Variants in PAPPA observed in about 807,000 individuals in gnomAD.
PAPPA encodes pappalysin-1.
A neutral mutation model predicts 164.0 loss-of-function variants in PAPPA; 60 were observed. The observed-to-expected ratio is 0.37, with a 90% CI of 0.30 to 0.45. PAPPA has a LOEUF of 0.45. Among genes scored for constraint, PAPPA ranks in the 20% least tolerant of loss-of-function variants. PAPPA has a pLI of 1.00. For missense variants in PAPPA, 1,782 were observed against 2,087.3 expected, an observed-to-expected ratio of 0.85 and a Z score of 2.85; for synonymous variants, 875 against 814.1, an observed-to-expected ratio of 1.07 and a Z score of -1.27.
intron 17 of PAPPA, among the ~76,000 whole-genome samples, chr9:116,359,387 G>A (rs374090810): frequency 6.6e-6 from 1 of 152,200 alleles, no homozygotes; most frequent in African/African-American, 2.4e-5. Flanking sequence ...CAGATGCACA[G>A]GCACAGAGAG....
chr9:116,264,329 T>C (rs1383494872), intron 7 of PAPPA, among the ~76,000 whole-genome samples: 1 of 152,256 alleles, frequency 6.6e-6, no homozygotes, highest in Non-Finnish European at 1.5e-5. Flanking sequence ...TCTCTCAAGA[T>C]ATTGGTATGT....
chr9:116,156,887 C>T (rs1379676258), intron 1 of PAPPA, among the ~76,000 whole-genome samples: 1 of 152,222 alleles, frequency 6.6e-6, no homozygotes, highest in Non-Finnish European at 1.5e-5. Context: ...GAGCCAGGAC[C>T]GAGGTGGGCA....
At chr9:116,338,347 A>C (rs1384592242) in intron 13 of PAPPA, among the ~76,000 whole-genome samples, 2 of 152,094 alleles carry the variant, frequency 1.3e-5, no homozygotes, top group East Asian at 3.9e-4. Context: ...TAAGTTTTAA[A>C]AGGCCAACTT....
chr9:116,164,142 T>C (rs1416962779), intron 1 of PAPPA, among the ~76,000 whole-genome samples: 1 of 152,212 alleles, frequency 6.6e-6, no homozygotes, highest in Non-Finnish European at 1.5e-5. Context: ...GTATTGCTTA[T>C]CATTTTAATC....
chr9:116,210,987 A>T (rs1844299456), intron 3 of PAPPA, among the ~76,000 whole-genome samples: 1 of 152,234 alleles, frequency 6.6e-6, no homozygotes, highest in Non-Finnish European at 1.5e-5. Flanking sequence ...ACTCTGCTCC[A>T]GGCCCTGTGA....
At chr9:116,280,335 T>C (rs1020347667) in intron 9 of PAPPA, among the ~76,000 whole-genome samples, 5 of 152,126 alleles carry the variant, frequency 3.3e-5, no homozygotes, top group Admixed American at 1.3e-4. Flanking sequence ...GGGCCTCCTT[T>C]ACATTGAGGG....
chr9:116,361,702 C>T (rs1846428732), intron 17 of PAPPA, among the ~76,000 whole-genome samples: 1 of 152,194 alleles, frequency 6.6e-6, no homozygotes, highest in Admixed American at 6.5e-5. Context: ...CCTCACTGAA[C>T]ACAGTCACAC....
At chr9:116,341,514 G>T (rs1026699927) in intron 13 of PAPPA, among the ~76,000 whole-genome samples, 1 of 152,042 alleles carries the variant, frequency 6.6e-6, no homozygotes, top group African/African-American at 2.4e-5. Flanking sequence ...CTTCCTCATG[G>T]ATCCTTCTAT....
chr9:116,313,357 G>A (rs1845747252), intron 10 of PAPPA, among the ~76,000 whole-genome samples: 1 of 152,160 alleles, frequency 6.6e-6, no homozygotes, highest in Non-Finnish European at 1.5e-5. Flanking sequence ...GGACACTTCG[G>A]TGATGTCTAC....
chr9:116,247,721 G>C (rs546929023), intron 7 of PAPPA, among the ~76,000 whole-genome samples: 1 of 152,242 alleles, frequency 6.6e-6, no homozygotes, highest in South Asian at 2.1e-4. Context: ...AATCTATTCA[G>C]TCTGTGCTTG....
intron 2 of PAPPA, among the ~76,000 whole-genome samples, chr9:116,200,766 T>C (rs1157976778): frequency 1.3e-5 from 2 of 151,980 alleles, no homozygotes; most frequent in East Asian, 3.9e-4. Flanking sequence ...TCAGTAAGTG[T>C]TGTTGATGAA....
chr9:116,271,358 G>T lies in PAPPA; in HGVS notation c.2895G>T (p.Lys965Asn), dbSNP rs759337463. The T allele has an allele frequency of 3.1e-6, 5 of 1,614,040 alleles. No homozygotes were observed. The highest frequency in any genetic ancestry group is 4.2e-6 in the Non-Finnish European group (5 of 1,179,914). ...DQGEQCDDMN[K>N]INGDGCSLFC... ...GTGAACAATGCGACGACATGAATAA[G>T]ATCAATGGTGATGGCTGCTCCCTTT... The change falls in exon 9 of 22, where the codon AAG (lysine) becomes AAT (asparagine). Residue 965 changes from lysine (K) to asparagine (N), a missense_variant. Transcript: ENST00000328252. The surrounding 1 kb of genome is among the most constrained non-coding windows in gnomAD (Gnocchi z 4.2).
At chr9:116,205,480 G>C (rs1324570714) in intron 2 of PAPPA, among the ~76,000 whole-genome samples, 9 of 152,032 alleles carry the variant, frequency 5.9e-5, no homozygotes. Context: ...ATGTGGAAAG[G>C]GCTGATCCAA....
intron 6 of PAPPA, among the ~76,000 whole-genome samples, chr9:116,229,959 C>T (rs1423889512): frequency 6.6e-6 from 1 of 152,188 alleles, no homozygotes; most frequent in African/African-American, 2.4e-5. Flanking sequence ...AAAATTATTT[C>T]CAGACATCTC....
chr9:116,368,636 G>C (rs572590847), intron 19 of PAPPA, among the ~76,000 whole-genome samples: 1 of 152,204 alleles, frequency 6.6e-6, no homozygotes, highest in Non-Finnish European at 1.5e-5. Context: ...GGACATCGCA[G>C]GTCCCAGGCC....
chr9:116,157,770 T>C (rs1843620917), intron 1 of PAPPA, among the ~76,000 whole-genome samples: 1 of 152,198 alleles, frequency 6.6e-6, no homozygotes, highest in East Asian at 1.9e-4. Context: ...GCCTTCAGCC[T>C]TCATGCATAG....
At chr9:116,241,796 G>A (rs1403817948) in intron 7 of PAPPA, among the ~76,000 whole-genome samples, 1 of 152,110 alleles carries the variant, frequency 6.6e-6, no homozygotes, top group African/African-American at 2.4e-5. Context: ...CCCAAATCAG[G>A]GTCAGGTGAA....
chr9:116,283,979 A>T (rs1461326354), intron 9 of PAPPA, among the ~76,000 whole-genome samples: 1 of 152,208 alleles, frequency 6.6e-6, no homozygotes, highest in African/African-American at 2.4e-5. Flanking sequence ...GAGAAGTAGG[A>T]GTGATATTCC....
intron 21 of PAPPA, among the ~76,000 whole-genome samples, chr9:116,387,011 C>T (rs1417865045): frequency 6.6e-6 from 1 of 152,132 alleles, no homozygotes; most frequent in Non-Finnish European, 1.5e-5. Context: ...TTAGGTCCCA[C>T]TTGTCCCCTC....
Sources: allele counts gnomAD v4.1 joint callset (sites outside exome capture counted in the v4.1 genomes callset), GRCh38; gene constraint gnomAD v4.1.1; non-coding constraint Gnocchi (gnomAD v3.1); transcripts MANE v1.5; gene names NCBI Gene and HGNC (gene_info 2026-07-23, HGNC 2026-07-21).